The following ATP13A1 variants were observed in gnomAD, a reference collection of about 807,000 sequenced individuals.
ATP13A1 encodes ATPase 13A1, also known as endoplasmic reticulum transmembrane helix translocase.
In ATP13A1, 55 loss-of-function variants were observed where a neutral mutation model predicts 134.8. The observed-to-expected ratio is 0.41, with a 90% CI of 0.33 to 0.51. The LOEUF (loss-of-function observed/expected upper bound fraction) is 0.51, where lower values mean the gene tolerates loss of function less well. Among genes scored for constraint, ATP13A1 ranks in the 20% least tolerant of loss-of-function variants. The pLI is 0.29. For synonymous variants in ATP13A1, 775 were observed against 725.1 expected (o/e 1.07, Z -1.10); for missense variants, 1,389 against 1,652.8 (o/e 0.84, Z 2.77).
intron 1 of ATP13A1, 93 bp downstream of exon 1, chr19:19,663,178 C>A: frequency 6.6e-7 from 1 of 1,523,056 alleles, no homozygotes; most frequent in South Asian, 1.2e-5. Flanking sequence ...ATGAGTGGCC[C>A]AGGTCGCGAT....
Position 19,659,969 on chromosome 19 carries a change from C to T in ATP13A1, c.415G>A (p.Ala139Thr), listed in dbSNP as rs2062084007. 1 of 1,575,966 alleles carries T rather than the reference C, an allele frequency of 6.3e-7. No homozygotes were observed. The highest frequency in any genetic ancestry group is 8.6e-7 in the Non-Finnish European group (1 of 1,162,240). The part of the protein sequence containing the change: ...TCTPEYDPSK[A>T]TFVKVVPTPN... ...GTTGGCACCACCTTCACAAAGGTCG[C>T]TTTGCTGGGGTCGTACTCCTGACAG... Residue 139 changes from alanine (A) to threonine (T), a missense_variant, in exon 2 of 26, where the codon GCG becomes ACG. Physicochemically the swap from Ala to Thr is moderately conservative, Grantham distance 58. Coordinates refer to ENST00000357324, the MANE Select transcript of ATP13A1 (RefSeq NM_020410.3).
chr19:19,661,457 A>G (rs1318046025), intron 1 of ATP13A1, among the ~76,000 whole-genome samples: 2 of 152,148 alleles, frequency 1.3e-5, no homozygotes, highest in East Asian at 3.9e-4. Context: ...TTGCTGCCTC[A>G]GGCTTTTGCT....
Position 19,647,046 on chromosome 19 carries a change from G to A in ATP13A1, c.3105+83C>T. The A allele has an allele frequency of 3.5e-6, 5 of 1,422,152 alleles. No homozygotes were observed. Among genetic ancestry groups the A allele is most frequent in the Non-Finnish European group, 4.8e-6 (5 of 1,050,866 alleles). 88.1% of individuals were successfully genotyped at this position (1,422,152 alleles called of 1,614,324 possible). A position where few individuals can be genotyped will look rare whatever the true frequency, so the allele number is the denominator to read the frequency against. Reference sequence around the variant, plus strand: ...TCTGGGGCCCTGGGTCCTGTAACTTGGGGATGACAATTCCCGTGCCTATAT... The same window carrying A: ...TCTGGGGCCCTGGGTCCTGTAACTTAGGGATGACAATTCCCGTGCCTATAT... On this transcript the variant is annotated intron_variant, in intron 22 of 25. Coordinates refer to ENST00000357324, the MANE Select transcript of ATP13A1 (RefSeq NM_020410.3). The surrounding 1 kb of genome is among the most constrained non-coding windows in gnomAD (Gnocchi z 4.8).
chr19:19,646,167 A>G (rs762246729), intron 23 of ATP13A1, 38 bp downstream of exon 23: 1 of 1,611,938 alleles, frequency 6.2e-7, no homozygotes, highest in Non-Finnish European at 8.5e-7. Flanking sequence ...TGCTATTCTC[A>G]GCTGCAGGGA....
At chr19:19,654,507 C>T (rs369739606) in intron 13 of ATP13A1, 36 bp downstream of exon 13, 297 of 1,565,560 alleles carry the variant, frequency 1.9e-4, no homozygotes, top group Non-Finnish European at 2.4e-4. Flanking sequence ...GAGCCAGTGG[C>T]TCCCCCTTGC....
At chr19:19,661,795 C>G (rs1230178085) in intron 1 of ATP13A1, among the ~76,000 whole-genome samples, 1 of 152,116 alleles carries the variant, frequency 6.6e-6, no homozygotes, top group African/African-American at 2.4e-5. Context: ...AATGATGACC[C>G]GCAGAAACAA....
Position 19,655,447 on chromosome 19 carries a change from T to C in ATP13A1, c.1403A>G (p.Lys468Arg), listed in dbSNP as rs1394908433. 6.2e-7 allele frequency: 1 copy of C among 1,613,952 alleles called. No individual in the cohort carries two copies. The highest frequency in any genetic ancestry group is 1.6e-4 in the Middle Eastern group (1 of 6,062). Residue 468 changes from lysine to arginine, a missense_variant, in exon 11 of 26, where the codon AAG (lysine) becomes AGG (arginine). By Grantham distance (26) the Lys-to-Arg change is conservative. Around this residue, in one of 4 missense-constraint regions of ATP13A1, gnomAD observed 747 missense variants for 956.1 expected, o/e 0.78. Coordinates refer to ENST00000357324, the MANE Select transcript of ATP13A1 (RefSeq NM_020410.3). This position sits in a 1 kb window ranked among gnomAD's most constrained non-coding sequence, Gnocchi z 5.7. ...AAAYVWIEGT[K>R]DPSRNRYKLF... ...CTTGTAGCGGTTCCGGCTGGGGTCC[T>C]TGGTACCTGTGGAGACAGGGCCTGC...
Position 19,659,532 on chromosome 19 carries a change from T to C in ATP13A1, c.677+69A>G. The C allele has an allele frequency of 2.3e-6, 3 of 1,325,580 alleles. No homozygotes were observed. The South Asian group carries it at 4.2e-5, about 19-fold the overall frequency. The allele number at this position is 1,325,580 out of a possible 1,614,324, so 82.1% of individuals were successfully genotyped here. A position where few individuals can be genotyped will look rare whatever the true frequency, so the allele number is the denominator to read the frequency against. ...GGGCAGATGCCTCTGTCCCGCTTCC[T>C]AGGCACCCTGAATCAGGAGGGGAGC... On this transcript the variant is annotated intron_variant, in intron 3 of 25. Coordinates refer to ENST00000357324, the MANE Select transcript of ATP13A1 (RefSeq NM_020410.3).
At chr19:19,663,084 G>T (rs759585400) in intron 1 of ATP13A1, 187 bp downstream of exon 1, 18 of 835,374 alleles carry the variant, frequency 2.2e-5, no homozygotes, top group African/African-American at 3.4e-5. Flanking sequence ...CCCGCACCAG[G>T]CATGCACAGC....
Position 19,654,739 on chromosome 19 carries a change from G to A in ATP13A1, c.1656-39C>T, listed in dbSNP as rs372568342. The A allele has an allele frequency of 2.1e-5, 33 of 1,578,616 alleles. 1 individual carries two copies. Among genetic ancestry groups the A allele is most frequent in the African/African-American group, 4.0e-5 (3 of 74,330 alleles). ...GAACAGCTGGTTACAGAGTGCAGGC[G>A]GGTAGGGCGAAGCTGCATCCCCACC... is the stretch of plus-strand genomic sequence containing the variant. On this transcript the variant is annotated intron_variant, in intron 12 of 25. Coordinates refer to ENST00000357324, the MANE Select transcript of ATP13A1 (RefSeq NM_020410.3).
At position 19,655,826 on chromosome 19, in the gene ATP13A1, C is replaced by T; in HGVS notation, c.1269+52G>A. On this transcript the variant is annotated intron_variant, in intron 9 of 25. Coordinates refer to ENST00000357324, the MANE Select transcript of ATP13A1 (RefSeq NM_020410.3). The surrounding 1 kb of genome is among the most constrained non-coding windows in gnomAD (Gnocchi z 5.7). ...TTCTGGGGTCGGAAAGGGCTGATACCTTGGCTGTCCAACTGCCCTGGGGCC... is the reference window on the plus strand; with the variant it reads ...TTCTGGGGTCGGAAAGGGCTGATACTTTGGCTGTCCAACTGCCCTGGGGCC... The T allele has an allele frequency of 6.5e-7, 1 of 1,546,860 alleles. No homozygotes were observed.
chr19:19,659,992 CAG>C lies in ATP13A1; in HGVS notation c.397-7_397-6del. 6.4e-7 allele frequency: 1 copy of C among 1,559,680 alleles called. No homozygotes were observed. Among genetic ancestry groups the C allele is most frequent in the East Asian group, 2.4e-5 (1 of 42,238 alleles). ...CGCTTTGCTGGGGTCGTACTCCTGA[CAG>C]AGACAAAGAAAGCATTGTGGCTTAG... is the stretch of plus-strand genomic sequence containing the variant. On this transcript the variant is annotated splice_polypyrimidine_tract_variant and splice_region_variant and intron_variant, in intron 1 of 25. Transcript: ENST00000357324.
chr19:19,656,727 A>G lies in ATP13A1; in HGVS notation c.1016T>C (p.Leu339Pro). ...PQENLVPCDVLLLRGRCIVDE... is the reference protein window; with the variant it reads ...PQENLVPCDVPLLRGRCIVDE... Reference sequence around the variant, plus strand: ...TACGATGCAGCGGCCTCGCAGCAGAAGCACGTCACATGGCACCAGGTTCTC... The same window carrying G: ...TACGATGCAGCGGCCTCGCAGCAGAGGCACGTCACATGGCACCAGGTTCTC... Residue 339 changes from leucine (L) to proline (P), a missense_variant, in exon 7 of 26, where the codon CTT (leucine) becomes CCT (proline). By Grantham distance (98) the Leu-to-Pro change is moderately conservative (BLOSUM62 -3). Coordinates refer to ENST00000357324, the MANE Select transcript of ATP13A1 (RefSeq NM_020410.3). The surrounding 1 kb of genome is among the most constrained non-coding windows in gnomAD (Gnocchi z 4.6). 2 of 1,613,806 alleles carry G rather than the reference A, an allele frequency of 1.2e-6. No homozygotes were observed. Among genetic ancestry groups the G allele is most frequent in the Non-Finnish European group, 1.7e-6 (2 of 1,179,882 alleles).
rs906784096 is a variant in ATP13A1 at position 19,659,595 on chromosome 19, A to C, written c.677+6T>G. 1.6e-5 allele frequency: 26 copies of C among 1,606,364 alleles called. No homozygotes were observed. Among genetic ancestry groups the C allele is most frequent in the Non-Finnish European group, 2.2e-5 (26 of 1,173,798 alleles). ...CAAAGGTGCTACAGGCAAATCAAGG[A>C]CTCACTTGTTGCTCCCAAATTTCTT... On this transcript the variant is annotated splice_donor_region_variant and intron_variant, in intron 3 of 25. Transcript: ENST00000357324.
chr19:19,656,010 G>C lies in ATP13A1; in HGVS notation c.1213+44C>G, dbSNP rs1411487752. 6 of 1,612,698 alleles carry C rather than the reference G, an allele frequency of 3.7e-6. No individual in the cohort carries two copies. The highest frequency in any genetic ancestry group is 2.7e-5 in the African/African-American group (2 of 74,910). ...CTCATGATCAAGCAGACGGGCAAAG[G>C]GGGTGGAAGCCCAGATACCCCCAGA... On this transcript the variant is annotated intron_variant, in intron 8 of 25. Transcript: ENST00000357324. The surrounding 1 kb of genome is among the most constrained non-coding windows in gnomAD (Gnocchi z 4.6).
At position 19,653,110 on chromosome 19, in the gene ATP13A1, T is replaced by C; in HGVS notation, c.2101-390A>G. Reference sequence around the variant, plus strand: ...CAGACTGGGCACAGACCCCTGGCCTTAGGGAGCTCACACTGCACCAGGGGA... The same window carrying C: ...CAGACTGGGCACAGACCCCTGGCCTCAGGGAGCTCACACTGCACCAGGGGA... On this transcript the variant is annotated intron_variant, in intron 15 of 25. Coordinates refer to ENST00000357324, the MANE Select transcript of ATP13A1 (RefSeq NM_020410.3). This position sits in a 1 kb window ranked among gnomAD's most constrained non-coding sequence, Gnocchi z 4.2. The C allele has an allele frequency of 4.8e-6, 1 of 209,640 alleles. No homozygotes were observed. Among genetic ancestry groups the C allele is most frequent in the Non-Finnish European group, 9.7e-6 (1 of 103,090 alleles). 13.0% of individuals were successfully genotyped at this position (209,640 alleles called of 1,614,324 possible). A position where few individuals can be genotyped will look rare whatever the true frequency, so the allele number is the denominator to read the frequency against.
rs1209315897 is a variant in ATP13A1, at chr19:19,654,708, GT to G, written c.1656-9del. 6.2e-7 allele frequency: 1 copy of G among 1,607,838 alleles called. No individual in the cohort carries two copies. The highest frequency in any genetic ancestry group is 1.1e-5 in the South Asian group (1 of 90,816). ...GTCACCTCCTTCCCGTCTCTGCAAG[GT>G]CGGGGAACAGCTGGTTACAGAGTGC... On this transcript the variant is annotated splice_polypyrimidine_tract_variant and intron_variant, in intron 12 of 25. Coordinates refer to ENST00000357324, the MANE Select transcript of ATP13A1 (RefSeq NM_020410.3).
chr19:19,645,440 C>T lies in ATP13A1; in HGVS notation c.3597G>A (p.Lys1199=), dbSNP rs1460402719. 2.5e-6 allele frequency: 4 copies of T among 1,603,206 alleles called. No individual in the cohort carries two copies. Among genetic ancestry groups the T allele is most frequent in the Non-Finnish European group, 3.4e-6 (4 of 1,175,672 alleles). ...RVLQFFLGTP[K]LKVPS is the part of the protein sequence containing the mutation. ...TGCCATCTCAGGAAGGCACTTTCAG[C>T]TTCGGGGTCCCCAGGAAGAACTGCA... is the stretch of plus-strand genomic sequence containing the variant. The change falls in exon 26 of 26, where the codon AAG becomes AAA. Residue 1199 remains lysine (K), a synonymous_variant. Coordinates refer to ENST00000357324, the MANE Select transcript of ATP13A1 (RefSeq NM_020410.3). The surrounding 1 kb of genome is among the most constrained non-coding windows in gnomAD (Gnocchi z 4.1).
At chr19:19,662,041 C>T in intron 1 of ATP13A1, 2 of 1,563,038 alleles carry the variant, frequency 1.3e-6, no homozygotes, top group Non-Finnish European at 1.7e-6. Flanking sequence ...GCAGAAGCGG[C>T]CCTTTCTGAG....
Sources: gnomAD v4.1 joint callset for allele counts (sites outside exome capture counted in the v4.1 genomes callset) on GRCh38, gnomAD v4.1.1 for gene constraint, gnomAD v4.1.1 regional missense constraint, Gnocchi (gnomAD v3.1) non-coding constraint, MANE v1.5 for transcripts, NCBI Gene and HGNC (gene_info 2026-07-23, HGNC 2026-07-21) for gene names.